Variants in RPS6KC1 observed in about 807,000 individuals in gnomAD.
RPS6KC1 encodes the protein ribosomal protein S6 kinase C1.
RPS6KC1 carries 54 observed loss-of-function variants against 103.8 expected under a neutral mutation model. The ratio of observed to expected loss-of-function variants is 0.52; its 90% CI spans 0.42 to 0.65. The LOEUF is 0.65. RPS6KC1 is among the 30% of genes least tolerant of loss of function. The pLI, the probability that RPS6KC1 is intolerant of heterozygous loss-of-function variation, is 0.00. For missense variants in RPS6KC1, 1,151 were observed against 1,253.8 expected, an observed-to-expected ratio of 0.92 and a Z score of 1.24; for synonymous variants, 439 against 438.7, an observed-to-expected ratio of 1.00 and a Z score of -0.01.
At chr1:213,538,629 A>C in the RPS6KC1 span, among the ~76,000 whole-genome samples, 5 of 152,272 alleles carry the variant, frequency 3.3e-5, no homozygotes, top group Admixed American at 1.3e-4. Context: ...CTGGAGCAGA[A>C]GGTCAGGTTG....
the RPS6KC1 span, among the ~76,000 whole-genome samples, chr1:213,596,267 G>A: frequency 6.6e-6 from 1 of 152,156 alleles, no homozygotes; most frequent in Non-Finnish European, 1.5e-5. Flanking sequence ...GATACCTTGG[G>A]GCTATGCCAT....
chr1:213,229,418 G>T (rs1475404944), intron 8 of RPS6KC1, among the ~76,000 whole-genome samples: 1 of 151,956 alleles, frequency 6.6e-6, no homozygotes, highest in Non-Finnish European at 1.5e-5. Context: ...GGGGAAGAAG[G>T]CTCATTTGCA....
the RPS6KC1 span, among the ~76,000 whole-genome samples, chr1:213,608,760 G>C: frequency 6.6e-6 from 1 of 152,044 alleles, no homozygotes; most frequent in Non-Finnish European, 1.5e-5. Flanking sequence ...TTATAGAATA[G>C]TCATACTATA....
the RPS6KC1 span, among the ~76,000 whole-genome samples, chr1:213,478,407 G>A: frequency 2.0e-5 from 3 of 152,102 alleles, no homozygotes; most frequent in East Asian, 3.9e-4. Flanking sequence ...TATGATAAAA[G>A]TGTGTTTAGT....
At chr1:213,570,982 G>T in the RPS6KC1 span, among the ~76,000 whole-genome samples, 13 of 152,160 alleles carry the variant, frequency 8.5e-5, no homozygotes, top group African/African-American at 3.1e-4. Flanking sequence ...ATACTATCAG[G>T]CTTGACAGCA....
chr1:213,119,468 ATATATATATATATATATATATATATATAT>A lies in RPS6KC1; in HGVS notation c.472+2059_472+2087del, dbSNP rs1456184846. ...TATATATATATATATATATATATAT[ATATATATATATATATATATATATATATAT>A]ATGAGAGTATTCAATGAGGAGTGCA... On this transcript the variant is annotated intron_variant, in intron 5 of 14. Coordinates refer to ENST00000366960, the MANE Select transcript of RPS6KC1 (RefSeq NM_012424.6). 1.2e-3 allele frequency among the ~76,000 whole-genome samples: 16 copies of A among 12,848 alleles called. No individual in the cohort carries two copies. In the South Asian group the frequency reaches 0.013, roughly 11 times the overall value. The allele number at this position is 12,848 out of a possible 152,430, so 8.4% of individuals were successfully genotyped here. A position where few individuals can be genotyped will look rare whatever the true frequency, so the allele number is the denominator to read the frequency against.
At chr1:213,221,849 T>C (rs993774964) in intron 8 of RPS6KC1, among the ~76,000 whole-genome samples, 1 of 152,350 alleles carries the variant, frequency 6.6e-6, no homozygotes, top group Non-Finnish European at 1.5e-5. Flanking sequence ...ATATTTTGAA[T>C]TATGGCATTT....
the RPS6KC1 span, among the ~76,000 whole-genome samples, chr1:213,723,557 C>T: frequency 3.3e-5 from 5 of 152,124 alleles, no homozygotes; most frequent in African/African-American, 9.7e-5. Context: ...CCCATGTGAC[C>T]TCATTTTACC....
At chr1:213,507,829 A>C in the RPS6KC1 span, among the ~76,000 whole-genome samples, 1 of 152,222 alleles carries the variant, frequency 6.6e-6, no homozygotes, top group African/African-American at 2.4e-5. Flanking sequence ...AACTGCACAG[A>C]AGTGCAGCAT....
the RPS6KC1 span, among the ~76,000 whole-genome samples, chr1:213,728,941 TTTTTTTG>T: frequency 4.1e-3 from 400 of 97,110 alleles, 17 homozygotes; most frequent in East Asian, 0.075. Context: ...ATGAGGGTTT[TTTTTTTG>T]TTTTTTTTTT....
chr1:213,378,945 T>C, the RPS6KC1 span, among the ~76,000 whole-genome samples: 2 of 152,120 alleles, frequency 1.3e-5, no homozygotes, highest in Admixed American at 6.5e-5. Context: ...ACAGGGTGGC[T>C]CATCAAGAGA....
the RPS6KC1 span, among the ~76,000 whole-genome samples, chr1:213,424,185 T>C: frequency 1.3e-5 from 2 of 152,210 alleles, no homozygotes. Context: ...ATAAACCTCT[T>C]ATCTGATCTG....
chr1:213,686,293 G>A, the RPS6KC1 span, among the ~76,000 whole-genome samples: 1 of 152,202 alleles, frequency 6.6e-6, no homozygotes, highest in Non-Finnish European at 1.5e-5. Context: ...GGTGGCCTTA[G>A]CTCCTTGTTG....
intron 8 of RPS6KC1, among the ~76,000 whole-genome samples, chr1:213,192,975 A>T (rs1558510427): frequency 6.6e-6 from 1 of 151,820 alleles, no homozygotes; most frequent in Non-Finnish European, 1.5e-5. Flanking sequence ...CATATTTCTT[A>T]ATTTCCGTGT....
the RPS6KC1 span, among the ~76,000 whole-genome samples, chr1:213,390,264 G>GT: frequency 5.5e-3 from 833 of 152,302 alleles, 8 homozygotes; most frequent in African/African-American, 0.019. Flanking sequence ...GATGGCGAGG[G>GT]TTTTTTCTTT....
intron 8 of RPS6KC1, among the ~76,000 whole-genome samples, chr1:213,202,686 T>C (rs2093209035): frequency 6.6e-6 from 1 of 151,950 alleles, no homozygotes; most frequent in Non-Finnish European, 1.5e-5. Context: ...CCCCCTACAG[T>C]GACAAATAGG....
At chr1:213,321,157 G>A in the RPS6KC1 span, among the ~76,000 whole-genome samples, 1 of 152,158 alleles carries the variant, frequency 6.6e-6, no homozygotes, top group Non-Finnish European at 1.5e-5. Flanking sequence ...CGTCGATGAT[G>A]GACCAGACAG....
At chr1:213,549,364 A>C in the RPS6KC1 span, among the ~76,000 whole-genome samples, 2 of 152,136 alleles carry the variant, frequency 1.3e-5, no homozygotes, top group Non-Finnish European at 1.5e-5. Context: ...TGGATTGTAA[A>C]TTATTGGTTG....
the RPS6KC1 span, among the ~76,000 whole-genome samples, chr1:213,563,209 A>C: frequency 6.6e-6 from 1 of 152,138 alleles, no homozygotes; most frequent in Non-Finnish European, 1.5e-5. Flanking sequence ...CCTTTTTACC[A>C]TTGTAAAAAG....
Sources: gnomAD v4.1 joint callset for allele counts (sites outside exome capture counted in the v4.1 genomes callset) on GRCh38, gnomAD v4.1.1 for gene constraint, MANE v1.5 for transcripts, NCBI Gene and HGNC (gene_info 2026-07-23, HGNC 2026-07-21) for gene names.